Variants in ANO3 observed in about 807,000 individuals in gnomAD.
The protein encoded by ANO3 is anoctamin-3.
Under a neutral mutation model 144.8 loss-of-function variants are expected in ANO3, and 99 were observed. The ratio of observed to expected loss-of-function variants is 0.68; its 90% CI spans 0.58 to 0.81. The LOEUF is 0.81. Ranked by LOEUF, ANO3 falls within the 30% of genes least tolerant of loss-of-function variation. ANO3 has a pLI of 0.00. For synonymous variants in ANO3, 414 were observed against 392.6 expected, an observed-to-expected ratio of 1.05 and a Z score of -0.64; for missense variants, 905 against 1,202.2, an observed-to-expected ratio of 0.75 and a Z score of 3.66.
intron 1 of ANO3, among the ~76,000 whole-genome samples, chr11:26,257,004 C>T (rs146017391): frequency 1.6e-4 from 24 of 151,944 alleles, no homozygotes; most frequent in African/African-American, 5.8e-4. Context: ...ATTATCCATC[C>T]CAAAATGTGA....
chr11:26,544,273 T>TATATATATACACACACACAC lies in ANO3; in HGVS notation c.1154+2206_1154+2207insTATATATACACACACACACA. 2.7e-3 allele frequency among the ~76,000 whole-genome samples: 157 copies of TATATATATACACACACACAC among 58,544 alleles called. 7 individuals carry two copies. The highest frequency in any genetic ancestry group is 3.9e-3 in the Non-Finnish European group (110 of 27,992). The allele number at this position is 58,544 out of a possible 152,430, so 38.4% of individuals were successfully genotyped here. ...ATACATATATATATATATATATATA[T>TATATATATACACACACACAC]ACACACATACACACACACACACACA... On this transcript the variant is annotated intron_variant, in intron 11 of 26. Transcript: ENST00000256737.
At chr11:26,568,511 T>G (rs1850688001) in intron 14 of ANO3, among the ~76,000 whole-genome samples, 2 of 151,998 alleles carry the variant, frequency 1.3e-5, no homozygotes, top group Non-Finnish European at 2.9e-5. Flanking sequence ...TTTAATTATT[T>G]TAACCAGAGC....
rs551167134 is a variant in ANO3 at position 26,516,940 on chromosome 11, T to C, written c.692+13T>C. ...GGATGCCCTTCAGGTACTTTCAAAT[T>C]TTACTTTATTTTATCTCAATATATA... On this transcript the variant is annotated intron_variant, in intron 6 of 26. Coordinates refer to ENST00000256737, the MANE Select transcript of ANO3 (RefSeq NM_031418.4). 2 of 1,510,644 alleles carry C rather than the reference T, an allele frequency of 1.3e-6. No individual in the cohort carries two copies. The highest frequency in any genetic ancestry group is 3.4e-5 in the Admixed American group (2 of 58,624). The allele number at this position is 1,510,644 out of a possible 1,614,324, so 93.6% of individuals were successfully genotyped here.
At chr11:26,269,793 G>A (rs1305519404) in intron 1 of ANO3, among the ~76,000 whole-genome samples, 1 of 152,166 alleles carries the variant, frequency 6.6e-6, no homozygotes, top group Non-Finnish European at 1.5e-5. Flanking sequence ...GAGCTAAATT[G>A]TGCCCCACAT....
intron 3 of ANO3, among the ~76,000 whole-genome samples, chr11:26,447,732 T>C (rs1858755801): frequency 6.6e-6 from 1 of 152,186 alleles, no homozygotes; most frequent in Non-Finnish European, 1.5e-5. Flanking sequence ...CTGTTTTACA[T>C]AAAGCAGCTC....
At chr11:26,470,782 C>T (rs1435453970) in intron 4 of ANO3, among the ~76,000 whole-genome samples, 2 of 151,890 alleles carry the variant, frequency 1.3e-5, no homozygotes, top group Non-Finnish European at 2.9e-5. Flanking sequence ...ATTCAAAGGA[C>T]ATAAAACTTA....
intron 1 of ANO3, among the ~76,000 whole-genome samples, chr11:26,384,808 C>T (rs751366176): frequency 1.6e-4 from 25 of 152,192 alleles, no homozygotes; most frequent in Non-Finnish European, 2.4e-4. Flanking sequence ...TTTACTGTTC[C>T]TTTCACAAAA....
intron 1 of ANO3, among the ~76,000 whole-genome samples, chr11:26,213,111 G>A (rs12222803): frequency 0.34 from 51,735 of 151,846 alleles, 9,230 homozygotes; most frequent in Non-Finnish European, 0.38. Flanking sequence ...CTAATAAACT[G>A]TGTATTGATG....
chr11:26,319,794 T>C (rs1017634585), intron 1 of ANO3, among the ~76,000 whole-genome samples: 1 of 152,230 alleles, frequency 6.6e-6, no homozygotes, highest in African/African-American at 2.4e-5. Context: ...TATTTTTTAT[T>C]AGAATTTGAC....
intron 1 of ANO3, among the ~76,000 whole-genome samples, chr11:26,276,320 C>T (rs1012228418): frequency 3.9e-5 from 6 of 152,056 alleles, no homozygotes; most frequent in South Asian, 2.1e-4. Context: ...TGGGAAAGAA[C>T]TCAGGAATTA....
Position 26,647,709 on chromosome 11 carries a change from G to A in ANO3, c.2429G>A (p.Gly810Asp), listed in dbSNP as rs1440952951. ...CCATGATTAATCTTTCTCTTACCAG[G>A]TATCTGGCTTGGAATTCTCGAAGGA... The part of the protein sequence containing the change: ...RPLPARATDI[G>D]IWLGILEGIG... Residue 810 changes from glycine to aspartate, a missense_variant and splice_region_variant, in exon 24 of 27, where the codon GGT becomes GAT. Gly to Asp is a moderately conservative substitution (Grantham distance 94, BLOSUM62 -1). Around this residue, in one of 4 missense-constraint regions of ANO3, gnomAD observed 597 missense variants for 865.1 expected, o/e 0.69. Coordinates refer to ENST00000256737, the MANE Select transcript of ANO3 (RefSeq NM_031418.4). 1 of 1,597,510 alleles carries A rather than the reference G, an allele frequency of 6.3e-7. No individual in the cohort carries two copies. The highest frequency in any genetic ancestry group is 8.6e-7 in the Non-Finnish European group (1 of 1,168,694).
intron 3 of ANO3, among the ~76,000 whole-genome samples, chr11:26,453,712 C>T (rs192595002): frequency 3.9e-5 from 6 of 152,038 alleles, no homozygotes; most frequent in Non-Finnish European, 7.4e-5. Context: ...ATTGAACTCA[C>T]CTCTGCACCA....
chr11:26,542,227 G>T (rs1849665394), intron 11 of ANO3, among the ~76,000 whole-genome samples, 159 bp downstream of exon 11: 1 of 152,130 alleles, frequency 6.6e-6, no homozygotes, highest in African/African-American at 2.4e-5. Flanking sequence ...TAGGTAATTG[G>T]TTATACAGGG....
intron 1 of ANO3, among the ~76,000 whole-genome samples, chr11:26,350,081 G>C (rs72876931): frequency 0.096 from 14,536 of 151,870 alleles, 988 homozygotes; most frequent in East Asian, 0.25. Context: ...AGGAACGGAA[G>C]GGGGAGAAGA....
rs537142987 is a variant in ANO3, at chr11:26,466,782, T to G, written c.432+3634T>G. ...GTTGTTTGGGGATGGTTTGTCTCTC[T>G]GCAAGAGATAATGGAGACAACCACA... is the stretch of plus-strand genomic sequence containing the variant. On this transcript the variant is annotated intron_variant, in intron 4 of 26. Coordinates refer to ENST00000256737, the MANE Select transcript of ANO3 (RefSeq NM_031418.4). Among the ~76,000 whole-genome samples the G allele has an allele frequency of 2.6e-5, 4 of 152,064 alleles. No individual in the cohort carries two copies. In the South Asian group the frequency reaches 8.3e-4, roughly 31 times the overall value.
chr11:26,579,981 A>C (rs1041059308), intron 14 of ANO3, among the ~76,000 whole-genome samples: 1 of 152,132 alleles, frequency 6.6e-6, no homozygotes, highest in African/African-American at 2.4e-5. Context: ...ATAGCCATTC[A>C]TGAGAAGAGA....
chr11:26,385,053 T>G (rs886481724), intron 1 of ANO3, among the ~76,000 whole-genome samples: 3 of 152,148 alleles, frequency 2.0e-5, no homozygotes, highest in Non-Finnish European at 4.4e-5. Flanking sequence ...TTCTTCAAAA[T>G]TTTTCTCACA....
At chr11:26,581,357 A>T (rs415390) in intron 14 of ANO3, among the ~76,000 whole-genome samples, 1 of 149,144 alleles carries the variant, frequency 6.7e-6, no homozygotes. Context: ...ACATAAGTTT[A>T]GGATTAAATT....
At chr11:26,293,033 A>G (rs924662746) in intron 1 of ANO3, among the ~76,000 whole-genome samples, 2 of 152,188 alleles carry the variant, frequency 1.3e-5, no homozygotes, top group Admixed American at 6.6e-5. Flanking sequence ...AGCTGTTCCT[A>G]TTCGGCCATC....
Sources: gnomAD v4.1 joint callset for allele counts (sites outside exome capture counted in the v4.1 genomes callset) on GRCh38, gnomAD v4.1.1 for gene constraint, gnomAD v4.1.1 regional missense constraint, MANE v1.5 for transcripts, NCBI Gene and HGNC (gene_info 2026-07-23, HGNC 2026-07-21) for gene names.